Variants in CHD6 observed in about 807,000 individuals in gnomAD.
CHD6 encodes the protein ATP-dependent chromatin remodeler CHD6.
In CHD6, 50 loss-of-function variants were observed where a neutral mutation model predicts 276.9. That is an observed-to-expected ratio of 0.18 (90% CI 0.14 to 0.23). CHD6 has a LOEUF of 0.23. Ranked by LOEUF, CHD6 falls within the 10% of genes least tolerant of loss-of-function variation. The probability of loss-of-function intolerance (pLI) is 1.00; values close to 1 mark genes in which losing one functional copy is unlikely to be tolerated. For synonymous variants in CHD6, 1,173 were observed against 1,229.3 expected (o/e 0.95, Z 0.96); for missense variants, 2,564 against 3,365.8 (o/e 0.76, Z 5.89).
intron 2 of CHD6, among the ~76,000 whole-genome samples, chr20:41,542,689 T>C (rs1490073933): frequency 6.6e-6 from 1 of 150,604 alleles, no homozygotes; most frequent in African/African-American, 2.4e-5. Context: ...CGAGACTCCG[T>C]CTCAAAAAAA....
At chr20:41,584,220 T>G (rs56072827) in intron 1 of CHD6, among the ~76,000 whole-genome samples, 5,645 of 152,204 alleles carry the variant, frequency 0.037, 117 homozygotes, top group Middle Eastern at 0.071. Flanking sequence ...CAAAGTAGAT[T>G]TGAAATAAAT....
chr20:41,553,760 T>C (rs2045180835), intron 1 of CHD6, among the ~76,000 whole-genome samples: 1 of 152,286 alleles, frequency 6.6e-6, no homozygotes, highest in African/African-American at 2.4e-5. Context: ...GTCTCCGTGC[T>C]GACTTTTCTT....
intron 1 of CHD6, among the ~76,000 whole-genome samples, chr20:41,588,597 AC>A (rs1380098301): frequency 6.6e-6 from 1 of 152,182 alleles, no homozygotes; most frequent in Non-Finnish European, 1.5e-5. Flanking sequence ...GTAGAAAACT[AC>A]TACAGGAGAG....
rs139693212 is a variant in CHD6 at position 41,543,788 on chromosome 20, G to A, written c.33+7517C>T. Among the ~76,000 whole-genome samples the A allele has an allele frequency of 1.8e-4, 27 of 152,264 alleles. No homozygotes were observed. In the South Asian group the frequency reaches 1.9e-3, roughly 11 times the overall value. ...TCTTTTATCCTTACAAAATGAGAAC[G>A]TTTTATTCTCAGTATCTAAATATTA... On this transcript the variant is annotated intron_variant, in intron 2 of 36. Coordinates refer to ENST00000373233, the MANE Select transcript of CHD6 (RefSeq NM_032221.5).
intron 23 of CHD6, among the ~76,000 whole-genome samples, chr20:41,450,088 C>A (rs8114025): frequency 5.9e-5 from 9 of 151,808 alleles, no homozygotes; most frequent in African/African-American, 2.2e-4. Context: ...TTGAGGTGAT[C>A]AAGGGAAAGG....
intron 1 of CHD6, among the ~76,000 whole-genome samples, chr20:41,602,897 G>T (rs1032244967): frequency 6.6e-6 from 1 of 151,934 alleles, no homozygotes; most frequent in African/African-American, 2.4e-5. Context: ...TGACCAGGCT[G>T]GTCTCGAACT....
chr20:41,512,721 C>A, intron 5 of CHD6, 125 bp downstream of exon 5: 1 of 1,085,994 alleles, frequency 9.2e-7, no homozygotes, highest in Non-Finnish European at 1.4e-6. Context: ...GGAAGTCAAT[C>A]GAAGGCCACA....
chr20:41,508,127 G>C (rs2145941610), intron 5 of CHD6, among the ~76,000 whole-genome samples: 1 of 152,290 alleles, frequency 6.6e-6, no homozygotes, highest in Non-Finnish European at 1.5e-5. Flanking sequence ...TGAGGTTTTA[G>C]TTGGGCCCTA....
intron 1 of CHD6, among the ~76,000 whole-genome samples, chr20:41,560,307 A>G (rs1481292699): frequency 6.6e-6 from 1 of 152,176 alleles, no homozygotes; most frequent in African/African-American, 2.4e-5. Flanking sequence ...CTGCTCTGAC[A>G]TTATTTCCAC....
chr20:41,533,683 C>A, intron 2 of CHD6, 113 bp from the exon 3 acceptor site: 1 of 963,980 alleles, frequency 1.0e-6, no homozygotes, highest in Non-Finnish European at 1.5e-6. Flanking sequence ...TGAGTTCCCA[C>A]TCTCTGTTAG....
At chr20:41,412,035 TGTC>T (rs2046855186) in intron 36 of CHD6, 106 bp downstream of exon 36, 12 of 1,470,178 alleles carry the variant, frequency 8.2e-6, no homozygotes, top group Non-Finnish European at 1.1e-5. Context: ...TCTTGAAAGA[TGTC>T]TCCCAGCGAA....
chr20:41,416,350 T>C (rs2046995605), intron 33 of CHD6, among the ~76,000 whole-genome samples: 1 of 152,176 alleles, frequency 6.6e-6, no homozygotes, highest in African/African-American at 2.4e-5. Flanking sequence ...CAAGCTGTAT[T>C]CTACTCCAAG....
intron 2 of CHD6, among the ~76,000 whole-genome samples, chr20:41,541,644 G>A (rs985302698): frequency 6.6e-6 from 1 of 152,218 alleles, no homozygotes; most frequent in African/African-American, 2.4e-5. Context: ...GGGAAAAAAT[G>A]TAAGACTGAA....
At chr20:41,445,959 G>C (rs1431586505) in intron 24 of CHD6, among the ~76,000 whole-genome samples, 191 bp from the exon 25 acceptor site, 1 of 152,238 alleles carries the variant, frequency 6.6e-6, no homozygotes, top group Non-Finnish European at 1.5e-5. Flanking sequence ...TTAAGCATAA[G>C]TACTTGATTT....
At chr20:41,535,363 G>A (rs952622605) in intron 2 of CHD6, among the ~76,000 whole-genome samples, 1 of 152,196 alleles carries the variant, frequency 6.6e-6, no homozygotes, top group Non-Finnish European at 1.5e-5. Flanking sequence ...ATATGAAGAT[G>A]CCAATTTTGT....
intron 1 of CHD6, among the ~76,000 whole-genome samples, chr20:41,597,267 G>A (rs1043943717): frequency 2.7e-4 from 41 of 152,116 alleles, no homozygotes; most frequent in African/African-American, 9.6e-4. Context: ...GAGGTGGGAC[G>A]TAAATCCGAA....
chr20:41,572,118 C>T (rs2045423652), intron 1 of CHD6, among the ~76,000 whole-genome samples: 1 of 152,186 alleles, frequency 6.6e-6, no homozygotes. Context: ...TCCAAACTCA[C>T]CCTTCAGTAC....
chr20:41,411,699 G>C (rs1203815906), intron 36 of CHD6, among the ~76,000 whole-genome samples: 1 of 152,188 alleles, frequency 6.6e-6, no homozygotes. Flanking sequence ...ATAGGAAAAG[G>C]GTAGTGCTTA....
Position 41,404,920 on chromosome 20 carries a change from C to T in CHD6, c.7821G>A (p.Val2607=). 1 of 1,614,132 alleles carries T rather than the reference C, an allele frequency of 6.2e-7. No individual in the cohort carries two copies. The highest frequency in any genetic ancestry group is 8.5e-7 in the Non-Finnish European group (1 of 1,180,016). The change falls in exon 37 of 37, where the codon GTG becomes GTA. Residue 2607 remains valine (V), a synonymous_variant. Coordinates refer to ENST00000373233, the MANE Select transcript of CHD6 (RefSeq NM_032221.5). ...CTGGGATGAGAAATGGGTTAAAAGC[C>T]ACAGGACTACTAGTAGTTATTGCAG... ...SEPAITTSSP[V]AFNPFLIPGV...
Sources: allele counts gnomAD v4.1 joint callset (sites outside exome capture counted in the v4.1 genomes callset), GRCh38; gene constraint gnomAD v4.1.1; transcripts MANE v1.5; gene names NCBI Gene and HGNC (gene_info 2026-07-23, HGNC 2026-07-21).